Variants in TFRC observed in about 807,000 individuals in gnomAD.
The protein encoded by TFRC is transferrin receptor protein 1.
In TFRC, 35 loss-of-function variants were observed where a neutral mutation model predicts 85.8. The ratio of observed to expected loss-of-function variants is 0.41; its 90% CI spans 0.31 to 0.54. The LOEUF is 0.54. TFRC is among the 20% of genes least tolerant of loss of function. The pLI, the probability that TFRC is intolerant of heterozygous loss-of-function variation, is 0.31. For missense variants in TFRC, 828 were observed against 921.5 expected, an observed-to-expected ratio of 0.90 and a Z score of 1.31; for synonymous variants, 362 against 328.6, an observed-to-expected ratio of 1.10 and a Z score of -1.10.
intron 3 of TFRC, 22 bp downstream of exon 3, chr3:196,075,137 A>G: frequency 6.2e-7 from 1 of 1,611,480 alleles, no homozygotes; most frequent in Non-Finnish European, 8.5e-7. Context: ...AAAACATTGA[A>G]GTTTGGAATG....
chr3:196,066,120 A>G (rs1256375577), intron 9 of TFRC, among the ~76,000 whole-genome samples: 1 of 59,630 alleles, frequency 1.7e-5, no homozygotes, highest in African/African-American at 5.6e-5. Flanking sequence ...ATATTTTAAA[A>G]CACTTCTCTA....
chr3:196,052,290 GACT>G, intron 18 of TFRC, 106 bp from the exon 19 acceptor site: 1 of 780,898 alleles, frequency 1.3e-6, no homozygotes, highest in South Asian at 2.0e-5. Flanking sequence ...ATGCCGATCA[GACT>G]TTTTTTTTTT....
At chr3:196,075,973 A>C (rs200140252) in intron 2 of TFRC, among the ~76,000 whole-genome samples, 1 of 92,510 alleles carries the variant, frequency 1.1e-5, no homozygotes, top group African/African-American at 3.2e-5. Flanking sequence ...CTAAAAATTC[A>C]AAAAAAAAAA....
At chr3:196,065,409 A>T (rs1717634600) in intron 10 of TFRC, 34 bp downstream of exon 10, 1 of 877,342 alleles carries the variant, frequency 1.1e-6, no homozygotes, top group Admixed American at 6.9e-5. Context: ...AACAAAAAAA[A>T]AGCGGGGCGG....
intron 13 of TFRC, chr3:196,062,346 A>T (rs1193458850): frequency 1.1e-5 from 5 of 470,588 alleles, no homozygotes; most frequent in South Asian, 2.5e-5. Flanking sequence ...ATCCTGGCCA[A>T]CATAGTGAAG....
chr3:196,077,872 G>A (rs1641616746), intron 1 of TFRC, among the ~76,000 whole-genome samples: 1 of 152,198 alleles, frequency 6.6e-6, no homozygotes. Context: ...TACTGATCCT[G>A]ACTGAATGAA....
Position 196,051,826 on chromosome 3 carries a change from G to C in TFRC, c.*116C>G. On this transcript the variant is annotated 3_prime_UTR_variant, in exon 19 of 19. Coordinates refer to ENST00000360110, the MANE Select transcript of TFRC (RefSeq NM_001128148.3). ...TAAAGACATCTAGTAGTACCAAGAT[G>C]ATGGGATGGAATTTTAACATCAGGT... 1 of 1,274,250 alleles carries C rather than the reference G, an allele frequency of 7.8e-7. No homozygotes were observed. Among genetic ancestry groups the C allele is most frequent in the Non-Finnish European group, 1.1e-6 (1 of 916,138 alleles). 78.9% of individuals were successfully genotyped at this position (1,274,250 alleles called of 1,614,324 possible).
At chr3:196,079,825 C>T (rs1458551138) in intron 1 of TFRC, among the ~76,000 whole-genome samples, 1 of 152,126 alleles carries the variant, frequency 6.6e-6, no homozygotes, top group Non-Finnish European at 1.5e-5. Context: ...CAGAATCCAG[C>T]CCCTGTTTTT....
At chr3:196,080,916 T>G (rs1719117818) in intron 1 of TFRC, among the ~76,000 whole-genome samples, 1 of 152,158 alleles carries the variant, frequency 6.6e-6, no homozygotes, top group Non-Finnish European at 1.5e-5. Flanking sequence ...GCTTAGCATA[T>G]AAGCATGGGG....
intron 7 of TFRC, among the ~76,000 whole-genome samples, chr3:196,069,138 GT>G (rs1717984549): frequency 6.6e-6 from 1 of 151,976 alleles, no homozygotes. Context: ...AATCACCACT[GT>G]CTTTTGATAT....
chr3:196,074,339 T>C (rs1293367851), intron 3 of TFRC: 5 of 391,420 alleles, frequency 1.3e-5, no homozygotes, highest in African/African-American at 8.3e-5. Context: ...ATTCAAAACA[T>C]AGGTAGTTTT....
intron 17 of TFRC, 74 bp from the exon 18 acceptor site, chr3:196,053,632 G>T: frequency 6.4e-7 from 1 of 1,567,938 alleles, no homozygotes; most frequent in Non-Finnish European, 8.7e-7. Context: ...CTAATTTAAC[G>T]TGCGTTAAGT....
chr3:196,050,155 G>A lies in TFRC; in HGVS notation c.*1787C>T, dbSNP rs1577209043. 4.4e-6 allele frequency: 1 copy of A among 229,588 alleles called. No homozygotes were observed. The highest frequency in any genetic ancestry group is 6.2e-5 in the East Asian group (1 of 16,112). The allele number at this position is 229,588 out of a possible 1,614,324, so 14.2% of individuals were successfully genotyped here. A position where few individuals can be genotyped will look rare whatever the true frequency, so the allele number is the denominator to read the frequency against. ...CTGGATTAAAACTTGTCCGCACTAA[G>A]TTTATAGGAGGTAACATGCAAATAA... On this transcript the variant is annotated 3_prime_UTR_variant, in exon 19 of 19. Coordinates refer to ENST00000360110, the MANE Select transcript of TFRC (RefSeq NM_001128148.3).
chr3:196,075,093 G>A (rs1056159452), intron 3 of TFRC, 66 bp downstream of exon 3: 320 of 1,256,908 alleles, frequency 2.5e-4, no homozygotes, highest in Non-Finnish European at 3.4e-4. Flanking sequence ...TATATGCTGA[G>A]CTGACATAAC....
At chr3:196,075,985 A>C (rs59696970) in intron 2 of TFRC, among the ~76,000 whole-genome samples, 6,380 of 150,514 alleles carry the variant, frequency 0.042, 464 homozygotes, top group African/African-American at 0.15. Flanking sequence ...AAAAAAAAAA[A>C]CCACTAGCTG....
chr3:196,068,610 C>CAAAAAGAAA, intron 7 of TFRC, among the ~76,000 whole-genome samples: 1 of 41,816 alleles, frequency 2.4e-5, no homozygotes, highest in South Asian at 1.3e-3. Context: ...AACTCCCTCT[C>CAAAAAGAAA]AAAAAAAAAA....
At chr3:196,052,941 C>T (rs41298085) in intron 18 of TFRC, among the ~76,000 whole-genome samples, 28,330 of 151,580 alleles carry the variant, frequency 0.19, 3,108 homozygotes, top group Non-Finnish European at 0.25. Flanking sequence ...GGTGAAACTC[C>T]GTTTCTACTA....
intron 3 of TFRC, 77 bp downstream of exon 3, chr3:196,075,078 ATAAC>A: frequency 1.6e-6 from 2 of 1,242,704 alleles, no homozygotes; most frequent in South Asian, 2.8e-5. Flanking sequence ...AAGGTACAAA[ATAAC>A]TATATGCTGA....
rs17091585 is a variant in TFRC at position 196,077,189 on chromosome 3, C to A, written c.-23-67G>T. ...TATCAGATTAGTGAGCTTTCTATTA[C>A]CAGGCTAAATGATACATTAAATTTT... On this transcript the variant is annotated intron_variant, in intron 1 of 18. Transcript: ENST00000360110. 6.3e-3 allele frequency: 7,099 copies of A among 1,131,476 alleles called. 331 individuals are homozygous for A. In the East Asian group the frequency reaches 0.095, roughly 15 times the overall value. 70.1% of individuals were successfully genotyped at this position (1,131,476 alleles called of 1,614,324 possible).
Sources: allele counts gnomAD v4.1 joint callset (sites outside exome capture counted in the v4.1 genomes callset), GRCh38; gene constraint gnomAD v4.1.1; transcripts MANE v1.5; gene names NCBI Gene and HGNC (gene_info 2026-07-23, HGNC 2026-07-21).